CCSER1: variants seen among roughly 807,000 people sequenced by gnomAD.
CCSER1 encodes the protein serine-rich coiled-coil domain-containing protein 1.
Under a neutral mutation model 82.0 loss-of-function variants are expected in CCSER1, and 41 were observed. The observed-to-expected ratio is 0.50, with a 90% confidence interval of 0.39 to 0.65. CCSER1 has a LOEUF of 0.65. Ranked by LOEUF, CCSER1 falls within the 30% of genes least tolerant of loss-of-function variation. The pLI, the probability that CCSER1 is intolerant of heterozygous loss-of-function variation, is 0.00. For synonymous variants in CCSER1, 414 were observed against 383.9 expected (o/e 1.08, Z -0.92); for missense variants, 1,119 against 1,064.2 (o/e 1.05, Z -0.72).
chr4:91,461,776 G>T (rs989103286), intron 10 of CCSER1, among the ~76,000 whole-genome samples: 1 of 152,086 alleles, frequency 6.6e-6, no homozygotes, highest in African/African-American at 2.4e-5. Context: ...GTTCAAAAGG[G>T]TATCTCTCAG....
At chr4:90,300,585 G>C (rs932041762) in intron 1 of CCSER1, among the ~76,000 whole-genome samples, 4 of 152,098 alleles carry the variant, frequency 2.6e-5, no homozygotes, top group Non-Finnish European at 5.9e-5. Context: ...ATGAGACCAG[G>C]TGTCATGTCA....
intron 1 of CCSER1, among the ~76,000 whole-genome samples, chr4:90,132,543 A>G (rs1233107304): frequency 6.6e-6 from 1 of 152,226 alleles, no homozygotes; most frequent in Non-Finnish European, 1.5e-5. Context: ...TGACTATTCT[A>G]AACTGCAGTA....
chr4:91,297,730 T>C (rs180865087), intron 10 of CCSER1, among the ~76,000 whole-genome samples: 4 of 151,730 alleles, frequency 2.6e-5, no homozygotes, highest in Admixed American at 2.6e-4. Flanking sequence ...AAATTCTCAA[T>C]AGAAATAAGG....
chr4:91,091,684 T>C (rs921205677), intron 10 of CCSER1, among the ~76,000 whole-genome samples: 31 of 152,300 alleles, frequency 2.0e-4, no homozygotes, highest in African/African-American at 7.2e-4. Context: ...GCCTCCCAGG[T>C]TCCAGTGGCT....
At chr4:90,639,422 C>T (rs1579639711) in intron 6 of CCSER1, among the ~76,000 whole-genome samples, 2 of 152,078 alleles carry the variant, frequency 1.3e-5, no homozygotes, top group South Asian at 2.1e-4. Context: ...TATGGCAGCA[C>T]ATTTGACTTG....
chr4:90,254,852 A>G (rs1032065182), intron 1 of CCSER1, among the ~76,000 whole-genome samples: 6 of 152,020 alleles, frequency 3.9e-5, no homozygotes, highest in Admixed American at 6.6e-5. Flanking sequence ...TTAAGTGGTT[A>G]CTTTATATAA....
At chr4:91,253,553 T>C (rs1401560273) in intron 10 of CCSER1, among the ~76,000 whole-genome samples, 1 of 152,178 alleles carries the variant, frequency 6.6e-6, no homozygotes, top group Non-Finnish European at 1.5e-5. Context: ...ATTAAAAATA[T>C]ATTCTAAGGA....
chr4:90,289,818 A>G (rs2153465017), intron 1 of CCSER1, among the ~76,000 whole-genome samples: 1 of 151,962 alleles, frequency 6.6e-6, no homozygotes, highest in African/African-American at 2.4e-5. Context: ...CAGAGGTCTA[A>G]GCCCTCAACT....
intron 10 of CCSER1, among the ~76,000 whole-genome samples, chr4:91,416,453 C>T (rs1753366727): frequency 6.6e-6 from 1 of 152,088 alleles, no homozygotes; most frequent in African/African-American, 2.4e-5. Context: ...TGACTTCAAA[C>T]TATATCACAA....
At chr4:90,278,455 A>T (rs750846908) in intron 1 of CCSER1, among the ~76,000 whole-genome samples, 3 of 152,182 alleles carry the variant, frequency 2.0e-5, no homozygotes, top group Admixed American at 6.6e-5. Flanking sequence ...GATTGGATAA[A>T]GAAAATGTGG....
intron 10 of CCSER1, 64 bp downstream of exon 10, chr4:91,086,058 G>A: frequency 2.1e-6 from 2 of 943,240 alleles, no homozygotes; most frequent in Non-Finnish European, 3.3e-6. Flanking sequence ...TTGCAGTGAT[G>A]TGGTGATGGT....
intron 10 of CCSER1, among the ~76,000 whole-genome samples, chr4:91,443,668 TAATAA>T (rs913229839): frequency 6.1e-5 from 9 of 147,966 alleles, no homozygotes; most frequent in Middle Eastern, 3.3e-3. Context: ...AATAAAATAA[TAATAA>T]AATAAAAGAA....
chr4:91,215,788 A>G (rs1377740008), intron 10 of CCSER1, among the ~76,000 whole-genome samples: 5 of 152,266 alleles, frequency 3.3e-5, no homozygotes, highest in Admixed American at 1.3e-4. Flanking sequence ...AATATCAACC[A>G]TCATATTAAG....
At chr4:90,825,708 TGTTTGTTTTG>T (rs2149802656) in intron 8 of CCSER1, among the ~76,000 whole-genome samples, 1 of 151,518 alleles carries the variant, frequency 6.6e-6, no homozygotes, top group South Asian at 2.1e-4. Flanking sequence ...GGTATTTTTT[TGTTTGTTTTG>T]TTTTTGTTGT....
At chr4:90,638,117 C>T (rs984135673) in intron 6 of CCSER1, among the ~76,000 whole-genome samples, 1 of 152,050 alleles carries the variant, frequency 6.6e-6, no homozygotes, top group Non-Finnish European at 1.5e-5. Flanking sequence ...CTGTGAAGTT[C>T]GATGGGCCAT....
At chr4:91,139,096 A>C (rs1009494268) in intron 10 of CCSER1, among the ~76,000 whole-genome samples, 1 of 152,092 alleles carries the variant, frequency 6.6e-6, no homozygotes, top group Non-Finnish European at 1.5e-5. Context: ...CTGAGTACTC[A>C]GTGTTTAGCT....
At chr4:90,312,190 GC>G (rs1735403549) in intron 2 of CCSER1, among the ~76,000 whole-genome samples, 1 of 152,088 alleles carries the variant, frequency 6.6e-6, no homozygotes, top group African/African-American at 2.4e-5. Context: ...GCTGTGTAGG[GC>G]TGGAGCATGC....
chr4:91,215,611 T>G (rs893424319), intron 10 of CCSER1, among the ~76,000 whole-genome samples: 3 of 152,206 alleles, frequency 2.0e-5, no homozygotes, highest in African/African-American at 7.2e-5. Context: ...TACTGCCTGC[T>G]TTATTCTAGC....
chr4:90,869,991 T>C (rs1317711099), intron 8 of CCSER1, among the ~76,000 whole-genome samples: 3 of 152,022 alleles, frequency 2.0e-5, no homozygotes, highest in Admixed American at 6.6e-5. Flanking sequence ...TAGATTTCTT[T>C]TTCAGATTGT....
Sources: allele counts gnomAD v4.1 joint callset (sites outside exome capture counted in the v4.1 genomes callset), GRCh38; gene constraint gnomAD v4.1.1; transcripts MANE v1.5; gene names NCBI Gene and HGNC (gene_info 2026-07-23, HGNC 2026-07-21).